Variants in SHC4 observed in about 807,000 individuals in gnomAD.
SHC4 encodes the protein SHC adaptor protein 4.
Under a neutral mutation model 69.4 loss-of-function variants are expected in SHC4, and 41 were observed. The ratio of observed to expected loss-of-function variants is 0.59; its 90% CI spans 0.46 to 0.77. SHC4 has a LOEUF of 0.77. Among genes scored for constraint, SHC4 ranks in the 30% least tolerant of loss-of-function variants. The pLI, the probability that SHC4 is intolerant of heterozygous loss-of-function variation, is 0.00. For synonymous variants in SHC4, 318 were observed against 299.3 expected (o/e 1.06, Z -0.64); for missense variants, 777 against 783.8 (o/e 0.99, Z 0.10).
intron 10 of SHC4, among the ~76,000 whole-genome samples, chr15:48,841,443 C>T (rs1898986812): frequency 6.6e-6 from 1 of 152,204 alleles, no homozygotes; most frequent in Non-Finnish European, 1.5e-5. Flanking sequence ...CCAGATCTCC[C>T]TTCAAGGAAG....
chr15:48,915,918 C>T (rs1390229826), intron 2 of SHC4, among the ~76,000 whole-genome samples: 1 of 152,008 alleles, frequency 6.6e-6, no homozygotes, highest in East Asian at 1.9e-4. Flanking sequence ...CCTTTTATCC[C>T]CCTCTCTGGT....
intron 6 of SHC4, among the ~76,000 whole-genome samples, chr15:48,863,836 G>A (rs766233723): frequency 6.6e-6 from 1 of 152,058 alleles, no homozygotes; most frequent in African/African-American, 2.4e-5. Context: ...TGTGTGCTCA[G>A]GACGTAGAAT....
At chr15:48,878,355 A>G in intron 4 of SHC4, 1 of 1,613,424 alleles carries the variant, frequency 6.2e-7, no homozygotes, top group Non-Finnish European at 8.5e-7. Flanking sequence ...CCAATGGAGG[A>G]GGAGGAGGCC....
chr15:48,922,878 C>T (rs891289736), intron 2 of SHC4, among the ~76,000 whole-genome samples: 12 of 151,840 alleles, frequency 7.9e-5, no homozygotes, highest in Non-Finnish European at 1.6e-4. Flanking sequence ...GTAGTAGATA[C>T]CATGTCACTT....
intron 1 of SHC4, among the ~76,000 whole-genome samples, chr15:48,928,917 G>C (rs748305654): frequency 3.3e-4 from 50 of 152,208 alleles, no homozygotes; most frequent in Non-Finnish European, 1.8e-4. Context: ...GATGAATTGG[G>C]GCTGAGATGA....
chr15:48,930,196 G>A (rs1900934472), intron 1 of SHC4, among the ~76,000 whole-genome samples: 1 of 152,234 alleles, frequency 6.6e-6, no homozygotes, highest in Non-Finnish European at 1.5e-5. Context: ...AAGTGGGAGA[G>A]AGGCAGGTTT....
intron 1 of SHC4, among the ~76,000 whole-genome samples, chr15:48,960,889 C>G (rs936190376): frequency 1.3e-5 from 2 of 151,912 alleles, no homozygotes; most frequent in Admixed American, 6.6e-5. Context: ...TTTTTTTTCA[C>G]CCTTTACAAC....
rs937073571 is a variant in SHC4 at position 48,923,536 on chromosome 15, C to T, written c.656+1343G>A. ...CTCCAGCCTGGGAGACAGAGTGAGA[C>T]TCTGTCTCAAAAAAAAAAAAAAAAC... On this transcript the variant is annotated intron_variant, in intron 2 of 11. Coordinates refer to ENST00000332408, the MANE Select transcript of SHC4 (RefSeq NM_203349.4). 3.1e-4 allele frequency among the ~76,000 whole-genome samples: 26 copies of T among 82,546 alleles called. 1 individual carries two copies. The highest frequency in any genetic ancestry group is 6.0e-4 in the East Asian group (2 of 3,330). 54.2% of individuals were successfully genotyped at this position (82,546 alleles called of 152,430 possible).
At chr15:48,948,893 G>A (rs1050415954) in intron 1 of SHC4, among the ~76,000 whole-genome samples, 1 of 152,100 alleles carries the variant, frequency 6.6e-6, no homozygotes, top group East Asian at 1.9e-4. Context: ...GTGACAGAGC[G>A]AGACCTTGTC....
intron 11 of SHC4, among the ~76,000 whole-genome samples, chr15:48,826,879 T>C (rs1162772796): frequency 6.6e-6 from 1 of 152,214 alleles, no homozygotes; most frequent in Admixed American, 6.5e-5. Flanking sequence ...CAGACCTTTC[T>C]AATAGGCATT....
chr15:48,912,773 C>T (rs943871643), intron 2 of SHC4, among the ~76,000 whole-genome samples: 3 of 152,178 alleles, frequency 2.0e-5, no homozygotes, highest in African/African-American at 7.2e-5. Context: ...TCTTTTGTCC[C>T]ACAGGGTGTT....
intron 1 of SHC4, among the ~76,000 whole-genome samples, chr15:48,939,106 G>T (rs1339056427): frequency 6.6e-6 from 1 of 152,216 alleles, no homozygotes; most frequent in East Asian, 1.9e-4. Context: ...ATTACAGTGG[G>T]ATGACTATAC....
At chr15:48,920,014 TG>T (rs1458415046) in intron 2 of SHC4, among the ~76,000 whole-genome samples, 1 of 148,754 alleles carries the variant, frequency 6.7e-6, no homozygotes, top group East Asian at 2.0e-4. Flanking sequence ...TCACGGAGTT[TG>T]TTTTTTTTTT....
At chr15:48,922,267 A>C (rs1567070691) in intron 2 of SHC4, among the ~76,000 whole-genome samples, 1 of 152,194 alleles carries the variant, frequency 6.6e-6, no homozygotes, top group Non-Finnish European at 1.5e-5. Context: ...AGTTTCAGGA[A>C]CTTTATGGAT....
intron 3 of SHC4, among the ~76,000 whole-genome samples, chr15:48,888,490 T>C (rs1291896356): frequency 1.3e-5 from 2 of 152,206 alleles, no homozygotes; most frequent in African/African-American, 4.8e-5. Flanking sequence ...TCTTGTTTAA[T>C]GTGTAGAGTT....
intron 4 of SHC4, among the ~76,000 whole-genome samples, chr15:48,873,310 G>T (rs891139096): frequency 2.0e-5 from 3 of 152,186 alleles, no homozygotes; most frequent in Non-Finnish European, 4.4e-5. Context: ...TGGGATTGCT[G>T]GAGTTTCTTG....
intron 6 of SHC4, among the ~76,000 whole-genome samples, chr15:48,865,143 C>T (rs1899534767): frequency 6.6e-6 from 1 of 152,182 alleles, no homozygotes; most frequent in Admixed American, 6.5e-5. Context: ...CTCCCTCTTG[C>T]TAAATGATAA....
At chr15:48,882,995 T>C (rs1899971662) in intron 4 of SHC4, among the ~76,000 whole-genome samples, 1 of 152,212 alleles carries the variant, frequency 6.6e-6, no homozygotes, top group Admixed American at 6.5e-5. Flanking sequence ...AACTGTTTCA[T>C]ATTAACACTT....
intron 1 of SHC4, among the ~76,000 whole-genome samples, chr15:48,928,617 G>T (rs1446401378): frequency 1.3e-5 from 2 of 152,100 alleles, no homozygotes; most frequent in Non-Finnish European, 2.9e-5. Flanking sequence ...TAGTGTCTTG[G>T]GGGTGAGAGG....
Sources: allele counts gnomAD v4.1 joint callset (sites outside exome capture counted in the v4.1 genomes callset), GRCh38; gene constraint gnomAD v4.1.1; transcripts MANE v1.5; gene names NCBI Gene and HGNC (gene_info 2026-07-23, HGNC 2026-07-21).